MTMR7: variants seen among roughly 807,000 people sequenced by gnomAD.
MTMR7 encodes myotubularin related protein 7, also known as phosphatidylinositol-3-phosphate phosphatase MTMR7.
In MTMR7, 76 loss-of-function variants were observed where a neutral mutation model predicts 81.2. The observed-to-expected ratio is 0.94, with a 90% confidence interval of 0.78 to 1.13. The LOEUF (loss-of-function observed/expected upper bound fraction) is 1.13, where lower values mean the gene tolerates loss of function less well. Among genes scored for constraint, MTMR7 ranks in the 50% most tolerant of loss-of-function variants. The pLI, the probability that MTMR7 is intolerant of heterozygous loss-of-function variation, is 0.00. For synonymous variants in MTMR7, 372 were observed against 289.8 expected (o/e 1.28, Z -2.88); for missense variants, 1,044 against 820.0 (o/e 1.27, Z -3.34).
At chr8:17,331,312 T>C (rs1437087558) in intron 6 of MTMR7, 30 bp from the exon 7 acceptor site, 1 of 1,553,874 alleles carries the variant, frequency 6.4e-7, no homozygotes, top group African/African-American at 1.4e-5. Context: ...AGAACAGTCA[T>C]CAATTACATT....
At chr8:17,408,395 C>CAAAAAAAAAAAAAAAAAAAAAAA (rs530240881) in intron 1 of MTMR7, among the ~76,000 whole-genome samples, 2 of 23,504 alleles carry the variant, frequency 8.5e-5, no homozygotes, top group African/African-American at 1.9e-4. Context: ...GACTCCGTCT[C>CAAAAAAAAAAAAAAAAAAAAAAA]AAAAAAAAAA....
chr8:17,396,109 T>C (rs1821238580), intron 1 of MTMR7, among the ~76,000 whole-genome samples: 2 of 126,938 alleles, frequency 1.6e-5, no homozygotes, highest in Admixed American at 1.8e-4. Flanking sequence ...TGGCTGATCA[T>C]ACCAACATAC....
At chr8:17,369,915 G>T (rs1035014144) in intron 3 of MTMR7, among the ~76,000 whole-genome samples, 3 of 151,958 alleles carry the variant, frequency 2.0e-5, no homozygotes, top group African/African-American at 7.3e-5. Context: ...AAAGTGCTGG[G>T]ATTACAGATG....
intron 1 of MTMR7, among the ~76,000 whole-genome samples, chr8:17,399,952 T>A (rs1175405868): frequency 1.3e-5 from 2 of 152,106 alleles, no homozygotes; most frequent in African/African-American, 4.8e-5. Context: ...GAGATTAAAT[T>A]TCTCAGGTAT....
rs550629552 is a variant in MTMR7, at chr8:17,377,580, T to G, written c.25-4340A>C. Among the ~76,000 whole-genome samples, 20 of 151,138 alleles carry G rather than the reference T, an allele frequency of 1.3e-4. No homozygotes were observed. The East Asian group carries it at 4.3e-3, about 33-fold the overall frequency. On this transcript the variant is annotated intron_variant, in intron 1 of 13. Transcript: ENST00000180173. Reference sequence around the variant, plus strand: ...TGCTTTGCTTGGGCATGCCATGTGGTTTTTGTCTGTCTGTTTCTAAATTTT... The same window carrying G: ...TGCTTTGCTTGGGCATGCCATGTGGGTTTTGTCTGTCTGTTTCTAAATTTT...
intron 1 of MTMR7, among the ~76,000 whole-genome samples, chr8:17,382,136 G>T (rs1336014250): frequency 6.6e-6 from 1 of 152,132 alleles, no homozygotes. Flanking sequence ...TGGCCAACAC[G>T]ACTTTTGTGA....
chr8:17,385,525 C>T (rs955459785), intron 1 of MTMR7, among the ~76,000 whole-genome samples: 17 of 152,180 alleles, frequency 1.1e-4, no homozygotes, highest in Admixed American at 2.6e-4. Context: ...TTTGCTCTGC[C>T]TTCGTCTTCC....
intron 1 of MTMR7, among the ~76,000 whole-genome samples, chr8:17,411,328 G>A (rs1167874758): frequency 3.9e-5 from 6 of 152,086 alleles, no homozygotes; most frequent in Admixed American, 3.9e-4. Flanking sequence ...GGCTTCCCTT[G>A]ACCTTGAGGG....
At chr8:17,396,245 C>A (rs1821244370) in intron 1 of MTMR7, among the ~76,000 whole-genome samples, 1 of 151,458 alleles carries the variant, frequency 6.6e-6, no homozygotes, top group South Asian at 2.1e-4. Context: ...CACAAAAAAG[C>A]ACCATCATAA....
At chr8:17,317,229 C>T (rs974566223) in intron 7 of MTMR7, among the ~76,000 whole-genome samples, 1 of 152,202 alleles carries the variant, frequency 6.6e-6, no homozygotes, top group Non-Finnish European at 1.5e-5. Context: ...GAGCAAGACA[C>T]AGGATGCTGG....
chr8:17,402,880 C>G (rs757887613), intron 1 of MTMR7, among the ~76,000 whole-genome samples: 2 of 152,144 alleles, frequency 1.3e-5, no homozygotes, highest in Non-Finnish European at 2.9e-5. Flanking sequence ...ATGAGAGTTC[C>G]CTTTTCTTCT....
chr8:17,396,768 G>A (rs911079614), intron 1 of MTMR7, among the ~76,000 whole-genome samples: 1 of 151,880 alleles, frequency 6.6e-6, no homozygotes, highest in South Asian at 2.1e-4. Flanking sequence ...GAATGCTTGT[G>A]CCACCCCTCT....
At chr8:17,400,791 C>A (rs1207062793) in intron 1 of MTMR7, among the ~76,000 whole-genome samples, 1 of 152,152 alleles carries the variant, frequency 6.6e-6, no homozygotes, top group African/African-American at 2.4e-5. Flanking sequence ...ATGAAGCAAT[C>A]CACTTAAAAG....
intron 3 of MTMR7, among the ~76,000 whole-genome samples, chr8:17,367,321 G>T (rs1395609236): frequency 6.6e-6 from 1 of 152,112 alleles, no homozygotes; most frequent in Admixed American, 6.5e-5. Context: ...AGGAGGGGAA[G>T]ATAATTGATA....
chr8:17,394,398 C>T (rs1243540208), intron 1 of MTMR7, among the ~76,000 whole-genome samples: 4 of 152,154 alleles, frequency 2.6e-5, no homozygotes, highest in East Asian at 3.9e-4. Flanking sequence ...TGCTACAACA[C>T]GGATGAACCT....
intron 7 of MTMR7, among the ~76,000 whole-genome samples, chr8:17,315,956 T>C (rs1026737309): frequency 6.6e-5 from 10 of 152,194 alleles, no homozygotes; most frequent in African/African-American, 2.4e-4. Context: ...GAGGCTGCAG[T>C]GAGCTATGAT....
chr8:17,407,027 T>A (rs1483257238), intron 1 of MTMR7, among the ~76,000 whole-genome samples: 1 of 152,048 alleles, frequency 6.6e-6, no homozygotes, highest in Non-Finnish European at 1.5e-5. Context: ...TGTTCTGAAA[T>A]TAGATAATGA....
intron 7 of MTMR7, among the ~76,000 whole-genome samples, chr8:17,320,624 A>G (rs1177469713): frequency 6.6e-6 from 1 of 152,180 alleles, no homozygotes. Flanking sequence ...CATGGACCCA[A>G]TTGGAAGACA....
At position 17,375,484 on chromosome 8, in the gene MTMR7, T is replaced by TG. The variant is rs1363269142; in HGVS notation, c.25-2245_25-2244insC. On this transcript the variant is annotated intron_variant, in intron 1 of 13. Transcript: ENST00000180173. ...GCCCTTCACCTACTAGCTTATGTTT[T>TG]TTTTTTTTTTTTACAAGAATTCTTT... Among the ~76,000 whole-genome samples, 35 of 144,692 alleles carry TG rather than the reference T, an allele frequency of 2.4e-4. No individual in the cohort carries two copies. In the South Asian group the frequency reaches 3.5e-3, roughly 14 times the overall value. The allele number at this position is 144,692 out of a possible 152,430, so 94.9% of individuals were successfully genotyped here. A position where few individuals can be genotyped will look rare whatever the true frequency, so the allele number is the denominator to read the frequency against.
Sources: allele counts gnomAD v4.1 joint callset (sites outside exome capture counted in the v4.1 genomes callset), GRCh38; gene constraint gnomAD v4.1.1; transcripts MANE v1.5; gene names NCBI Gene and HGNC (gene_info 2026-07-23, HGNC 2026-07-21).